DNAJC1: variants seen among roughly 807,000 people sequenced by gnomAD.
DNAJC1 encodes dnaJ homolog subfamily C member 1.
DNAJC1 carries 58 observed loss-of-function variants against 76.6 expected under a neutral mutation model. That is an observed-to-expected ratio of 0.76 (90% CI 0.61 to 0.94). DNAJC1 has a LOEUF of 0.94. Ranked by LOEUF, DNAJC1 falls within the 40% of genes least tolerant of loss-of-function variation. The pLI is 0.00. For missense variants in DNAJC1, 689 were observed against 677.3 expected, an observed-to-expected ratio of 1.02 and a Z score of -0.19; for synonymous variants, 258 against 267.9, an observed-to-expected ratio of 0.96 and a Z score of 0.36.
intron 8 of DNAJC1, among the ~76,000 whole-genome samples, chr10:21,854,350 T>TAAAA (rs56109403): frequency 7.6e-6 from 1 of 131,246 alleles, no homozygotes; most frequent in African/African-American, 2.8e-5. Flanking sequence ...TGTGGATCTT[T>TAAAA]AAAAAAAAAA....
chr10:21,989,169 T>G (rs1393022340), intron 1 of DNAJC1, among the ~76,000 whole-genome samples: 1 of 152,128 alleles, frequency 6.6e-6, no homozygotes, highest in Non-Finnish European at 1.5e-5. Context: ...AACCTGACCA[T>G]AGTTCTGGAT....
intron 8 of DNAJC1, among the ~76,000 whole-genome samples, chr10:21,878,333 T>A (rs776841808): frequency 1.3e-5 from 2 of 152,198 alleles, no homozygotes; most frequent in Non-Finnish European, 2.9e-5. Context: ...TTGCAACACA[T>A]GAGCCTACTG....
In DNAJC1 at chr10:21,970,229, G is replaced by A. The variant is rs186028535; in HGVS notation, c.222+32984C>T. Among the ~76,000 whole-genome samples the A allele has an allele frequency of 1.2e-3, 176 of 152,042 alleles. 1 individual carries two copies. The highest frequency in any genetic ancestry group is 4.0e-3 in the African/African-American group (164 of 41,510). ...TTGTACTATCTAATAAAAGTGGAAC[G>A]AACACTATACATTTGGTAAATTCTC... is the stretch of plus-strand genomic sequence containing the variant. On this transcript the variant is annotated intron_variant, in intron 1 of 11. Coordinates refer to ENST00000376980, the MANE Select transcript of DNAJC1 (RefSeq NM_022365.4).
At chr10:21,856,321 A>G (rs1476603094) in intron 8 of DNAJC1, among the ~76,000 whole-genome samples, 1 of 152,184 alleles carries the variant, frequency 6.6e-6, no homozygotes, top group Non-Finnish European at 1.5e-5. Flanking sequence ...AAAAGTAATA[A>G]TGACTCAAAA....
chr10:21,837,371 CAT>C (rs1835479302), intron 8 of DNAJC1, among the ~76,000 whole-genome samples: 1 of 151,952 alleles, frequency 6.6e-6, no homozygotes, highest in Admixed American at 6.5e-5. Flanking sequence ...CCTGGCCGCC[CAT>C]CGTCTGGGAT....
At chr10:21,839,622 C>CA (rs1347229293) in intron 8 of DNAJC1, among the ~76,000 whole-genome samples, 2 of 151,900 alleles carry the variant, frequency 1.3e-5, no homozygotes, top group Admixed American at 1.3e-4. Flanking sequence ...GCTTACCAAC[C>CA]AAAAAAAGCC....
chr10:21,817,858 C>T (rs1300534490), intron 8 of DNAJC1, among the ~76,000 whole-genome samples: 2 of 152,142 alleles, frequency 1.3e-5, no homozygotes, highest in African/African-American at 4.8e-5. Flanking sequence ...CCAATCAATA[C>T]CCTTGTGATT....
At chr10:21,854,759 G>A (rs1022844600) in intron 8 of DNAJC1, among the ~76,000 whole-genome samples, 13 of 152,126 alleles carry the variant, frequency 8.5e-5, no homozygotes, top group East Asian at 1.9e-4. Flanking sequence ...TTATAATTAG[G>A]TTTAACAAAA....
At chr10:21,831,135 C>T (rs1835351101) in intron 8 of DNAJC1, among the ~76,000 whole-genome samples, 2 of 152,132 alleles carry the variant, frequency 1.3e-5, no homozygotes, top group African/African-American at 4.8e-5. Context: ...GTTTTTCCTT[C>T]TGTGACAGTT....
chr10:21,845,034 G>A (rs1044369673), intron 8 of DNAJC1, among the ~76,000 whole-genome samples: 1 of 152,102 alleles, frequency 6.6e-6, no homozygotes, highest in African/African-American at 2.4e-5. Flanking sequence ...ATGAGACTCT[G>A]TCTCAAAAAA....
chr10:21,973,034 A>G (rs1019333097), intron 1 of DNAJC1, among the ~76,000 whole-genome samples: 1 of 152,270 alleles, frequency 6.6e-6, no homozygotes, highest in African/African-American at 2.4e-5. Context: ...AAAAACTGAT[A>G]ATTTGTGAAT....
At chr10:21,838,141 A>G (rs1835503334) in intron 8 of DNAJC1, among the ~76,000 whole-genome samples, 1 of 152,098 alleles carries the variant, frequency 6.6e-6, no homozygotes, top group South Asian at 2.1e-4. Context: ...CAGCTCATTG[A>G]GAACGGGCCA....
chr10:21,938,309 C>T (rs1837347441), intron 1 of DNAJC1, among the ~76,000 whole-genome samples: 1 of 150,920 alleles, frequency 6.6e-6, no homozygotes, highest in African/African-American at 2.4e-5. Flanking sequence ...GTGGTAAAAG[C>T]AGTGCTCAGA....
intron 8 of DNAJC1, among the ~76,000 whole-genome samples, chr10:21,860,445 C>A (rs1590019515): frequency 6.6e-6 from 1 of 152,086 alleles, no homozygotes; most frequent in East Asian, 1.9e-4. Flanking sequence ...GTAATCCCAG[C>A]ACTTTGGGAG....
At chr10:21,861,494 A>G (rs1835916038) in intron 8 of DNAJC1, among the ~76,000 whole-genome samples, 2 of 152,148 alleles carry the variant, frequency 1.3e-5, no homozygotes, top group Non-Finnish European at 2.9e-5. Context: ...CTCCATCTTG[A>G]GTAGGGGCTG....
chr10:21,908,970 C>T (rs1836807612), intron 6 of DNAJC1, among the ~76,000 whole-genome samples: 1 of 152,098 alleles, frequency 6.6e-6, no homozygotes, highest in Non-Finnish European at 1.5e-5. Context: ...ACTGCAACCT[C>T]CGCCTCCCGG....
At chr10:21,887,531 A>G (rs556415158) in intron 7 of DNAJC1, among the ~76,000 whole-genome samples, 26 of 152,334 alleles carry the variant, frequency 1.7e-4, no homozygotes, top group South Asian at 1.2e-3. Flanking sequence ...ACTGGTACAA[A>G]AACAGGCACA....
At chr10:21,973,802 A>G (rs1189041410) in intron 1 of DNAJC1, among the ~76,000 whole-genome samples, 1 of 152,042 alleles carries the variant, frequency 6.6e-6, no homozygotes, top group Non-Finnish European at 1.5e-5. Context: ...AAGTTTCTCT[A>G]GCTTGAAATA....
intron 9 of DNAJC1, among the ~76,000 whole-genome samples, chr10:21,798,986 G>A (rs1044271309): frequency 3.3e-5 from 5 of 152,180 alleles, no homozygotes; most frequent in Non-Finnish European, 5.9e-5. Context: ...GCACATATGT[G>A]CCTGACCAAC....
Sources: allele counts gnomAD v4.1 joint callset (sites outside exome capture counted in the v4.1 genomes callset), GRCh38; gene constraint gnomAD v4.1.1; transcripts MANE v1.5; gene names NCBI Gene and HGNC (gene_info 2026-07-23, HGNC 2026-07-21).